FBLN2: variants seen among roughly 807,000 people sequenced by gnomAD.
The protein encoded by FBLN2 is fibulin 2.
FBLN2 carries 81 observed loss-of-function variants against 123.7 expected under a neutral mutation model. That is an observed-to-expected ratio of 0.65 (90% CI 0.55 to 0.79). The LOEUF is 0.79. Among genes scored for constraint, FBLN2 ranks in the 30% least tolerant of loss-of-function variants. The pLI is 0.00. For missense variants in FBLN2, 1,603 were observed against 1,681.3 expected (o/e 0.95, Z 0.81); for synonymous variants, 699 against 701.4 (o/e 1.00, Z 0.05).
intron 1 of FBLN2, among the ~76,000 whole-genome samples, chr3:13,551,782 C>T (rs536804624): frequency 8.6e-5 from 13 of 151,922 alleles, no homozygotes; most frequent in South Asian, 8.3e-4. Flanking sequence ...CCTCGTGATC[C>T]GCCCGCCTCA....
intron 2 of FBLN2, among the ~76,000 whole-genome samples, chr3:13,578,131 CCTGCGGTGGGTT>C (rs1704208368): frequency 6.6e-6 from 1 of 152,212 alleles, no homozygotes; most frequent in South Asian, 2.1e-4. Flanking sequence ...CAAGGCTAGG[CCTGCGGTGGGTT>C]TCTTTAATTT....
intron 2 of FBLN2, among the ~76,000 whole-genome samples, chr3:13,576,730 CCG>C (rs1491071634): frequency 1.3e-4 from 19 of 151,890 alleles, no homozygotes; most frequent in African/African-American, 4.6e-4. Context: ...TCCCCCCCCC[CCG>C]GGTTCACTCA....
In FBLN2 at chr3:13,596,454, C is replaced by T. The variant is rs559609577; in HGVS notation, c.1307-11608C>T. Among the ~76,000 whole-genome samples, 44 of 152,332 alleles carry T rather than the reference C, an allele frequency of 2.9e-4. 1 individual carries two copies. In the South Asian group the frequency reaches 8.7e-3, roughly 30 times the overall value. ...AGGTGCATCAGAATCTGTGATGCTC[C>T]TGTTTGTGTTCATGGGAGCATCTCA... is the stretch of plus-strand genomic sequence containing the variant. On this transcript the variant is annotated intron_variant, in intron 2 of 17. Transcript: ENST00000404922.
At chr3:13,560,997 C>T (rs1703586688) in intron 1 of FBLN2, among the ~76,000 whole-genome samples, 2 of 151,990 alleles carry the variant, frequency 1.3e-5, no homozygotes, top group Non-Finnish European at 2.9e-5. Flanking sequence ...CAAAAGAGTA[C>T]CTAAAAGTCG....
rs746917390 is a variant in FBLN2 at position 13,570,663 on chromosome 3, G to A, written c.308G>A (p.Gly103Asp). 10 of 1,583,464 alleles carry A rather than the reference G, an allele frequency of 6.3e-6. No individual in the cohort carries two copies. Among genetic ancestry groups the A allele is most frequent in the Non-Finnish European group, 8.6e-6 (10 of 1,166,084 alleles). Residue 103 changes from glycine (G) to aspartate (D), a missense_variant, in exon 2 of 18, where the codon GGC becomes GAC. Physicochemically the swap from Gly to Asp is moderately conservative, Grantham distance 94. Transcript: ENST00000404922. Reference sequence around the variant, plus strand: ...AGCACTGAGTGCTCCTGCCCACCAGGCGGCGGCAAGATCAGCTGCCAGTTC... The same window carrying A: ...AGCACTGAGTGCTCCTGCCCACCAGACGGCGGCAAGATCAGCTGCCAGTTC... ...FGSTECSCPP[G>D]GGKISCQFML...
intron 1 of FBLN2, chr3:13,566,649 A>C (rs541333093): frequency 6.6e-6 from 1 of 152,416 alleles, no homozygotes; most frequent in South Asian, 2.1e-4. Flanking sequence ...ACCATCAGAC[A>C]GCACCAGGAT....
At chr3:13,554,295 G>A (rs903897683) in intron 1 of FBLN2, among the ~76,000 whole-genome samples, 2 of 152,196 alleles carry the variant, frequency 1.3e-5, no homozygotes, top group Non-Finnish European at 2.9e-5. Flanking sequence ...GTTGGGGCCA[G>A]CCCTTGGGCT....
At chr3:13,593,155 G>A (rs1324826239) in intron 2 of FBLN2, among the ~76,000 whole-genome samples, 2 of 152,184 alleles carry the variant, frequency 1.3e-5, no homozygotes, top group Admixed American at 6.5e-5. Context: ...GAACTGCAAA[G>A]CATTGAGGTG....
chr3:13,606,149 C>T (rs1416996684), intron 2 of FBLN2, among the ~76,000 whole-genome samples: 1 of 152,216 alleles, frequency 6.6e-6, no homozygotes, highest in African/African-American at 2.4e-5. Flanking sequence ...ATGAACCCAC[C>T]TTAGCCTCCC....
chr3:13,628,879 C>T (rs774206169), intron 11 of FBLN2, 26 bp from the exon 12 acceptor site: 2 of 1,605,918 alleles, frequency 1.2e-6, no homozygotes, highest in Admixed American at 1.7e-5. Flanking sequence ...TGCCGGGCTC[C>T]CTGTCACCTA....
At chr3:13,617,578 CCCATCCATCCATCCATCCAT>C (rs57191985) in intron 5 of FBLN2, among the ~76,000 whole-genome samples, 88 of 119,494 alleles carry the variant, frequency 7.4e-4, no homozygotes, top group Admixed American at 6.0e-4. Flanking sequence ...AACCCATCCA[CCCATCCATCCATCCATCCAT>C]CCATCCATCC....
At chr3:13,554,115 G>T (rs1260254246) in intron 1 of FBLN2, among the ~76,000 whole-genome samples, 1 of 152,226 alleles carries the variant, frequency 6.6e-6, no homozygotes, top group Non-Finnish European at 1.5e-5. Context: ...GGTGGTAGGG[G>T]CCCCCAGTAG....
At chr3:13,572,116 GC>G (rs1219346651) in intron 2 of FBLN2, among the ~76,000 whole-genome samples, 3 of 152,250 alleles carry the variant, frequency 2.0e-5, no homozygotes, top group Admixed American at 6.5e-5. Context: ...ACAAATGTCA[GC>G]CAGAAAGCTG....
At chr3:13,600,038 A>AGC (rs1243475141) in intron 2 of FBLN2, among the ~76,000 whole-genome samples, 2,241 of 135,170 alleles carry the variant, frequency 0.017, 74 homozygotes, top group African/African-American at 0.056. Context: ...AGAGAGAGAG[A>AGC]GAGAGAGCGA....
chr3:13,619,586 C>A (rs1444247702), intron 7 of FBLN2, 144 bp from the exon 8 acceptor site: 2 of 662,800 alleles, frequency 3.0e-6, no homozygotes, highest in Non-Finnish European at 2.6e-6. Context: ...CCAGGAGTGG[C>A]GTTCCTTGTC....
intron 2 of FBLN2, among the ~76,000 whole-genome samples, chr3:13,596,010 G>A (rs369606979): frequency 4.7e-4 from 71 of 152,200 alleles, no homozygotes; most frequent in African/African-American, 1.7e-3. Context: ...ACAAATGGTA[G>A]CTTATTAGAG....
Position 13,632,569 on chromosome 3 carries a change from A to G in FBLN2, c.3214+1112A>G, listed in dbSNP as rs908905096. Among the ~76,000 whole-genome samples, 11 of 152,342 alleles carry G rather than the reference A, an allele frequency of 7.2e-5. 1 individual carries two copies. In the East Asian group the frequency reaches 2.1e-3, roughly 29 times the overall value. ...AGCTGCCTGTGTTCTCCTTTCCATT[A>G]GCATAGAACAGAAAGCAGCATAGGG... On this transcript the variant is annotated intron_variant, in intron 16 of 17. Transcript: ENST00000404922.
intron 5 of FBLN2, among the ~76,000 whole-genome samples, chr3:13,616,605 C>T (rs762903581): frequency 2.3e-4 from 35 of 152,162 alleles, no homozygotes; most frequent in Middle Eastern, 3.2e-3. Flanking sequence ...GTTCCTCATA[C>T]GTGACTTCAT....
chr3:13,597,820 C>T (rs1018085886), intron 2 of FBLN2, among the ~76,000 whole-genome samples: 2 of 152,222 alleles, frequency 1.3e-5, no homozygotes, highest in Non-Finnish European at 2.9e-5. Flanking sequence ...TGCTGCCAGG[C>T]CCGGAGCCCT....
Sources: allele counts gnomAD v4.1 joint callset (sites outside exome capture counted in the v4.1 genomes callset), GRCh38; gene constraint gnomAD v4.1.1; transcripts MANE v1.5; gene names NCBI Gene and HGNC (gene_info 2026-07-23, HGNC 2026-07-21).